The following DOK4 variants were observed in gnomAD, a reference collection of about 807,000 sequenced individuals.
The protein encoded by DOK4 is downstream of tyrosine kinase 4.
Under a neutral mutation model 40.1 loss-of-function variants are expected in DOK4, and 26 were observed. The ratio of observed to expected loss-of-function variants is 0.65; its 90% confidence interval spans 0.48 to 0.90. The LOEUF (loss-of-function observed/expected upper bound fraction) is 0.90. Among genes scored for constraint, DOK4 ranks in the 40% least tolerant of loss-of-function variants. DOK4 has a pLI of 0.00. For missense variants in DOK4, 392 were observed against 437.2 expected, an observed-to-expected ratio of 0.90 and a Z score of 0.92; for synonymous variants, 179 against 177.0, an observed-to-expected ratio of 1.01 and a Z score of -0.09.
Position 57,479,015 on chromosome 16 carries a change from G to A in DOK4, c.66+427C>T, listed in dbSNP as rs1242850291. On this transcript the variant is annotated intron_variant, in intron 2 of 8. Transcript: ENST00000340099. The surrounding 1 kb of genome is among the most constrained non-coding windows in gnomAD (Gnocchi z 5.8). ...ACCTAAAAGAAAAGAGGCCAGGAGA[G>A]GTGAGGGGAGGCCGGGGGTGGGGGG... Among the ~76,000 whole-genome samples the A allele has an allele frequency of 6.6e-6, 1 of 152,216 alleles. No individual in the cohort carries two copies. Among genetic ancestry groups the A allele is most frequent in the Non-Finnish European group, 1.5e-5 (1 of 68,038 alleles).
Position 57,479,579 on chromosome 16 carries a change from C to T in DOK4, c.-72G>A, listed in dbSNP as rs1004996508. On this transcript the variant is annotated 5_prime_UTR_variant, in exon 2 of 9. Coordinates refer to ENST00000340099, the Ensembl canonical transcript of DOK4. The surrounding 1 kb of genome is among the most constrained non-coding windows in gnomAD (Gnocchi z 5.8). ...AAGGATGCCCAGGTGCCTGGGTCTCCGGCTCCTCCAATCACCTGTTCCAGA... is the reference window on the plus strand; with the variant it reads ...AAGGATGCCCAGGTGCCTGGGTCTCTGGCTCCTCCAATCACCTGTTCCAGA... 9.1e-6 allele frequency: 14 copies of T among 1,542,106 alleles called. No individual in the cohort carries two copies. The highest frequency in any genetic ancestry group is 4.5e-5 in the East Asian group (2 of 44,450).
intron 1 of DOK4, among the ~76,000 whole-genome samples, chr16:57,482,536 G>A (rs2031447081): frequency 6.6e-6 from 1 of 150,524 alleles, no homozygotes; most frequent in South Asian, 2.1e-4. Context: ...CCGGCTAATT[G>A]TTTCATATTT....
At chr16:57,473,846 C>T in intron 7 of DOK4, 55 bp downstream of exon 7, 1 of 1,596,592 alleles carries the variant, frequency 6.3e-7, no homozygotes, top group Non-Finnish European at 8.5e-7. Context: ...TTGGCCCTGC[C>T]TGCCCGCCCG....
intron 3 of DOK4, 73 bp from the exon 4 acceptor site, chr16:57,475,693 T>TCTCTCTCCCTCTCTCTCTCC (rs745889807): frequency 2.6e-6 from 1 of 377,598 alleles, no homozygotes; most frequent in South Asian, 2.8e-5. Flanking sequence ...TCTCTCTCTC[T>TCTCTCTCCCTCTCTCTCTCC]CTCCCTCCCT....
intron 1 of DOK4, among the ~76,000 whole-genome samples, chr16:57,484,500 T>C (rs994841186): frequency 2.0e-5 from 3 of 151,972 alleles, no homozygotes; most frequent in African/African-American, 7.3e-5. Flanking sequence ...ACAGACCAAA[T>C]ACCCATCTAG....
Position 57,485,990 on chromosome 16 carries a change from G to A in DOK4, c.-182+315C>T, listed in dbSNP as rs940844236. 6.6e-6 allele frequency among the ~76,000 whole-genome samples: 1 copy of A among 152,186 alleles called. No individual in the cohort carries two copies. Among genetic ancestry groups the A allele is most frequent in the Non-Finnish European group, 1.5e-5 (1 of 68,020 alleles). ...GGCTGGGTTATGCCCCTTCCGGGGG[G>A]GCAGGCCCGGGAGCGCAGGGCCTGG... On this transcript the variant is annotated intron_variant, in intron 1 of 8. Transcript: ENST00000340099. The surrounding 1 kb of genome is among the most constrained non-coding windows in gnomAD (Gnocchi z 4.3).
intron 1 of DOK4, among the ~76,000 whole-genome samples, chr16:57,486,043 C>T (rs1395269692): frequency 6.6e-6 from 1 of 151,892 alleles, no homozygotes; most frequent in Non-Finnish European, 1.5e-5. Context: ...TGTGTGGGTG[C>T]GGGTGAGGTC....
At chr16:57,483,500 C>T (rs375903351) in intron 1 of DOK4, among the ~76,000 whole-genome samples, 327 of 152,174 alleles carry the variant, frequency 2.1e-3, no homozygotes, top group African/African-American at 7.5e-3. Flanking sequence ...GCATGTGGCA[C>T]GTGCCTGTAG....
chr16:57,480,013 G>C (rs2031357983), intron 1 of DOK4: 1 of 153,042 alleles, frequency 6.5e-6, no homozygotes, highest in Non-Finnish European at 1.5e-5. Flanking sequence ...AAGTGGCAGG[G>C]AGCTGCTGTC....
Position 57,474,989 on chromosome 16 carries a change from T to TG in DOK4, c.410-8dup. ...AGGAAGACATTGAAGCGATCTGGAGTGGGGGAGGGTGGACAAGTGGGACCA... is the reference window on the plus strand; with the variant it reads ...AGGAAGACATTGAAGCGATCTGGAGTGGGGGGAGGGTGGACAAGTGGGACCA... On this transcript the variant is annotated splice_polypyrimidine_tract_variant and splice_region_variant and intron_variant, in intron 5 of 8. Transcript: ENST00000340099. 1.9e-6 allele frequency: 3 copies of TG among 1,603,074 alleles called. No individual in the cohort carries two copies. In the Admixed American group the frequency reaches 5.0e-5, roughly 27 times the overall value.
rs1567587400 is a variant in DOK4 at position 57,474,056 on chromosome 16, GA to G, written c.600-18del. 1 of 1,613,748 alleles carries G rather than the reference GA, an allele frequency of 6.2e-7. No homozygotes were observed. On this transcript the variant is annotated intron_variant, in intron 6 of 8. Transcript: ENST00000340099. ...TCACACATCCTGGGGACACAGCACAGAGGGCAAGATGGTGGGGACCCACCAC... is the reference window on the plus strand; with the variant it reads ...TCACACATCCTGGGGACACAGCACAGGGGCAAGATGGTGGGGACCCACCAC...
chr16:57,474,876 G>A (rs376165564), exon 6 of DOK4: 7 of 1,614,072 alleles, frequency 4.3e-6, no homozygotes, highest in Non-Finnish European at 5.9e-6. Flanking sequence ...GCTTCACACG[G>A]GGGTTGTGGA....
chr16:57,474,676 C>G lies in DOK4; in HGVS notation c.599+117G>C. ...GTAAAATGGGAACATTACATTCCCCCTTGGGATTGCTAGGCCAATAAGTAA... is the reference window on the plus strand; with the variant it reads ...GTAAAATGGGAACATTACATTCCCCGTTGGGATTGCTAGGCCAATAAGTAA... On this transcript the variant is annotated intron_variant, in intron 6 of 8. Coordinates refer to ENST00000340099, the Ensembl canonical transcript of DOK4. 2.3e-6 allele frequency: 3 copies of G among 1,294,364 alleles called. No homozygotes were observed. In the South Asian group the frequency reaches 4.1e-5, roughly 18 times the overall value. The allele number at this position is 1,294,364 out of a possible 1,614,324, so 80.2% of individuals were successfully genotyped here. A position where few individuals can be genotyped will look rare whatever the true frequency, so the allele number is the denominator to read the frequency against.
intron 3 of DOK4, 70 bp from the exon 4 acceptor site, chr16:57,475,690 C>CTG (rs2031131676): frequency 8.0e-6 from 7 of 878,926 alleles, no homozygotes; most frequent in Non-Finnish European, 1.2e-5. Flanking sequence ...CTCTCTCTCT[C>CTG]TCTCTCCCTC....
In DOK4 at chr16:57,479,293, G is replaced by T. The variant is rs1472751452; in HGVS notation, c.66+149C>A. On this transcript the variant is annotated intron_variant, in intron 2 of 8. Transcript: ENST00000340099. The surrounding 1 kb of genome is among the most constrained non-coding windows in gnomAD (Gnocchi z 5.8). Reference sequence around the variant, plus strand: ...AGCCCAGGCACATGCCAGGCAGCACGCTGGCGAGGAGCCCCGAGACCACAG... The same window carrying T: ...AGCCCAGGCACATGCCAGGCAGCACTCTGGCGAGGAGCCCCGAGACCACAG... The T allele has an allele frequency of 4.8e-6, 4 of 841,798 alleles. No individual in the cohort carries two copies. The highest frequency in any genetic ancestry group is 7.3e-6 in the Non-Finnish European group (4 of 547,758). 52.1% of individuals were successfully genotyped at this position (841,798 alleles called of 1,614,324 possible).
rs1203173706 is a variant in DOK4, at chr16:57,473,869, C to CG, written c.738+31_738+32insC. The CG allele has an allele frequency of 5.0e-6, 8 of 1,611,322 alleles. 1 individual carries two copies. The highest frequency in any genetic ancestry group is 1.9e-4 in the Middle Eastern group (1 of 5,276). ...GCCTGCCCGCCCGTTCCCCCCTCCC[C>CG]CCGTACCCTGGACTGATGCCCGCTG... On this transcript the variant is annotated intron_variant, in intron 7 of 8. Coordinates refer to ENST00000340099, the Ensembl canonical transcript of DOK4.
In DOK4 at chr16:57,475,156, T is replaced by G. The variant is rs372133296; in HGVS notation, c.353A>C (p.Asp118Ala). ...GAGGTCAGGTTCTCCCAGACTGATGTCGTTGAGGCGGGACCCCAGACACTC... is the reference window on the plus strand; with the variant it reads ...GAGGTCAGGTTCTCCCAGACTGATGGCGTTGAGGCGGGACCCCAGACACTC... Residue 118 changes from aspartate to alanine, a missense_variant, in exon 5 of 9, where the codon GAC (aspartate) becomes GCC (alanine). Transcript: ENST00000340099. The G allele has an allele frequency of 6.8e-6, 11 of 1,613,830 alleles. No individual in the cohort carries two copies. In the African/African-American group the frequency reaches 1.2e-4, roughly 18 times the overall value.
intron 2 of DOK4, 105 bp from the exon 3 acceptor site, chr16:57,476,062 C>A: frequency 1.0e-6 from 1 of 967,684 alleles, no homozygotes. Flanking sequence ...TGCCGCACAG[C>A]CTTCCCTGGA....
intron 4 of DOK4, 37 bp from the exon 5 acceptor site, chr16:57,475,256 C>T: frequency 6.3e-7 from 1 of 1,594,724 alleles, no homozygotes; most frequent in Non-Finnish European, 8.5e-7. Context: ...AGCTCCAGAG[C>T]CCGGTAGCCC....
Sources: allele counts gnomAD v4.1 joint callset (sites outside exome capture counted in the v4.1 genomes callset), GRCh38; gene constraint gnomAD v4.1.1; non-coding constraint Gnocchi (gnomAD v3.1); transcripts MANE v1.5; gene names NCBI Gene and HGNC (gene_info 2026-07-23, HGNC 2026-07-21).